MCTP1: variants seen among roughly 807,000 people sequenced by gnomAD.
The protein encoded by MCTP1 is multiple C2 and transmembrane domain containing 1.
MCTP1 carries 69 observed loss-of-function variants against 120.6 expected under a neutral mutation model. The ratio of observed to expected loss-of-function variants is 0.57; its 90% CI spans 0.47 to 0.70. The LOEUF is 0.70. Among genes scored for constraint, MCTP1 ranks in the 30% least tolerant of loss-of-function variants. MCTP1 has a pLI of 0.00. For synonymous variants in MCTP1, 529 were observed against 493.1 expected (o/e 1.07, Z -0.96); for missense variants, 1,203 against 1,248.8 (o/e 0.96, Z 0.55).
chr5:94,986,025 T>C (rs1033162368), intron 2 of MCTP1, among the ~76,000 whole-genome samples: 3 of 152,190 alleles, frequency 2.0e-5, no homozygotes, highest in Admixed American at 6.6e-5. Context: ...CATATGGACA[T>C]AGATGTAATA....
intron 1 of MCTP1, among the ~76,000 whole-genome samples, chr5:95,252,878 A>G (rs1757512598): frequency 6.6e-6 from 1 of 152,184 alleles, no homozygotes; most frequent in Non-Finnish European, 1.5e-5. Context: ...CATACTGTCA[A>G]TGGAACTGAT....
At chr5:94,973,550 G>A (rs1827383877) in intron 2 of MCTP1, among the ~76,000 whole-genome samples, 1 of 152,052 alleles carries the variant, frequency 6.6e-6, no homozygotes, top group Admixed American at 6.6e-5. Flanking sequence ...GACCATTTTT[G>A]CATCCCAGAA....
At chr5:94,920,246 G>T (rs1012458772) in intron 7 of MCTP1, among the ~76,000 whole-genome samples, 10 of 147,658 alleles carry the variant, frequency 6.8e-5, no homozygotes, top group African/African-American at 1.5e-4. Context: ...AGGAACAATA[G>T]TCTTGGGCCT....
intron 1 of MCTP1, among the ~76,000 whole-genome samples, chr5:95,123,384 G>A (rs1358002234): frequency 6.6e-6 from 1 of 152,110 alleles, no homozygotes; most frequent in African/African-American, 2.4e-5. Context: ...CAAGATTTAT[G>A]AGCTTAGACT....
At chr5:95,064,971 C>A (rs1376619414) in intron 1 of MCTP1, among the ~76,000 whole-genome samples, 1 of 152,134 alleles carries the variant, frequency 6.6e-6, no homozygotes, top group African/African-American at 2.4e-5. Flanking sequence ...TGTGTAACAA[C>A]CCTGGACATT....
intron 5 of MCTP1, among the ~76,000 whole-genome samples, chr5:94,937,403 A>G (rs949707881): frequency 6.6e-6 from 1 of 152,194 alleles, no homozygotes; most frequent in East Asian, 1.9e-4. Context: ...TTAAGGGTGA[A>G]TGTGGCTGAA....
intron 17 of MCTP1, among the ~76,000 whole-genome samples, chr5:94,824,003 G>A (rs968369804): frequency 3.3e-5 from 5 of 152,138 alleles, no homozygotes; most frequent in Non-Finnish European, 7.3e-5. Flanking sequence ...GAAATACTTC[G>A]ACTTCTTCTC....
intron 1 of MCTP1, among the ~76,000 whole-genome samples, chr5:95,158,771 C>T (rs1340189800): frequency 9.4e-6 from 1 of 106,160 alleles, no homozygotes; most frequent in Non-Finnish European, 2.1e-5. Flanking sequence ...ACAAAAAATA[C>T]CAAAAAAAAA....
At chr5:94,805,947 G>A (rs981537080) in intron 17 of MCTP1, among the ~76,000 whole-genome samples, 5 of 150,928 alleles carry the variant, frequency 3.3e-5, no homozygotes, top group Admixed American at 1.3e-4. Flanking sequence ...TCCAATTGTA[G>A]ATTTTCCATA....
intron 1 of MCTP1, among the ~76,000 whole-genome samples, chr5:95,276,675 C>T (rs767725037): frequency 2.6e-5 from 4 of 151,108 alleles, no homozygotes; most frequent in South Asian, 2.1e-4. Flanking sequence ...TCAGGCCGGG[C>T]GCGGTGGCTC....
chr5:94,925,956 AT>A (rs1812987556), intron 6 of MCTP1, among the ~76,000 whole-genome samples: 1 of 152,232 alleles, frequency 6.6e-6, no homozygotes, highest in Admixed American at 6.5e-5. Flanking sequence ...AGATAAAAAA[AT>A]CTAATTATGA....
intron 17 of MCTP1, among the ~76,000 whole-genome samples, chr5:94,806,799 GAT>G (rs1229556893): frequency 6.6e-6 from 1 of 152,168 alleles, no homozygotes; most frequent in East Asian, 1.9e-4. Context: ...GCTCTCCAGT[GAT>G]GAGATGTGTT....
chr5:95,072,013 A>C (rs879879316), intron 1 of MCTP1, among the ~76,000 whole-genome samples: 1 of 151,908 alleles, frequency 6.6e-6, no homozygotes, highest in Admixed American at 6.6e-5. Flanking sequence ...AAACAAGTTT[A>C]GCTGTGATGT....
intron 19 of MCTP1, among the ~76,000 whole-genome samples, chr5:94,776,902 CT>C (rs1775474229): frequency 6.6e-6 from 1 of 152,186 alleles, no homozygotes; most frequent in African/African-American, 2.4e-5. Flanking sequence ...AGGATCCTTT[CT>C]CATTTCCATT....
rs756654106 is a variant in MCTP1 at position 94,959,038 on chromosome 5, C to T, written c.839-5677G>A. On this transcript the variant is annotated intron_variant, in intron 2 of 22. Transcript: ENST00000515393. ...AATCCTCAATAAAATACTGGCAAAC[C>T]GAATCCAGCAGCACATTAAAAAGCT... Among the ~76,000 whole-genome samples the T allele has an allele frequency of 9.2e-5, 14 of 152,180 alleles. No homozygotes were observed. In the South Asian group the frequency reaches 2.1e-3, roughly 23 times the overall value.
intron 1 of MCTP1, among the ~76,000 whole-genome samples, chr5:95,033,935 C>G (rs1462593127): frequency 6.6e-6 from 1 of 151,964 alleles, no homozygotes; most frequent in Non-Finnish European, 1.5e-5. Flanking sequence ...AATGTTCAAG[C>G]TGGGAACAAA....
Position 94,785,914 on chromosome 5 carries a change from T to C in MCTP1, c.2557-6751A>G, listed in dbSNP as rs1777577703. 5.3e-5 allele frequency among the ~76,000 whole-genome samples: 8 copies of C among 152,288 alleles called. No homozygotes were observed. In the South Asian group the frequency reaches 1.7e-3, roughly 32 times the overall value. ...ATTTTGGGAGCTGCAATAGGCAAGT[T>C]ATTTTTCAGGTAAATGCACAGTTTA... On this transcript the variant is annotated intron_variant, in intron 18 of 22. Transcript: ENST00000515393.
chr5:94,898,016 A>G (rs1348745153), intron 10 of MCTP1, among the ~76,000 whole-genome samples: 1 of 152,188 alleles, frequency 6.6e-6, no homozygotes, highest in African/African-American at 2.4e-5. Context: ...AAAAATTTAT[A>G]AATTGAATTT....
intron 19 of MCTP1, among the ~76,000 whole-genome samples, chr5:94,751,806 C>T (rs959325455): frequency 7.9e-5 from 12 of 151,948 alleles, no homozygotes; most frequent in African/African-American, 2.7e-4. Flanking sequence ...CTAGGATCAA[C>T]GTTCCAGATG....
Sources: allele counts gnomAD v4.1 joint callset (sites outside exome capture counted in the v4.1 genomes callset), GRCh38; gene constraint gnomAD v4.1.1; transcripts MANE v1.5; gene names NCBI Gene and HGNC (gene_info 2026-07-23, HGNC 2026-07-21).